The following VAT1L variants were observed in gnomAD, a reference collection of about 807,000 sequenced individuals.
VAT1L encodes the protein vesicle amine transport 1 like.
A neutral mutation model predicts 44.1 loss-of-function variants in VAT1L; 34 were observed. The observed-to-expected ratio is 0.77, with a 90% CI of 0.59 to 1.03. The LOEUF (loss-of-function observed/expected upper bound fraction) is 1.03, where lower values mean the gene tolerates loss of function less well. Among genes scored for constraint, VAT1L ranks in the 50% least tolerant of loss-of-function variants. The pLI is 0.00. For missense variants in VAT1L, 615 were observed against 538.8 expected (o/e 1.14, Z -1.40); for synonymous variants, 253 against 202.2 (o/e 1.25, Z -2.13).
At chr16:77,830,059 A>G (rs769071007) in intron 3 of VAT1L, among the ~76,000 whole-genome samples, 5 of 152,118 alleles carry the variant, frequency 3.3e-5, no homozygotes, top group Non-Finnish European at 7.4e-5. Flanking sequence ...CTCGAGGAAC[A>G]TGAGATGCGC....
chr16:77,965,150 C>T (rs898906251), intron 7 of VAT1L, among the ~76,000 whole-genome samples: 2 of 152,040 alleles, frequency 1.3e-5, no homozygotes, highest in Admixed American at 1.3e-4. Flanking sequence ...TGTGATTCCC[C>T]CAGGACAGAG....
intron 7 of VAT1L, among the ~76,000 whole-genome samples, chr16:77,893,811 G>C (rs1485024770): frequency 6.6e-6 from 1 of 152,034 alleles, no homozygotes; most frequent in Non-Finnish European, 1.5e-5. Context: ...TTGAACCCCA[G>C]GAAAGTCTGA....
At chr16:77,941,675 TC>T (rs1191911223) in intron 7 of VAT1L, among the ~76,000 whole-genome samples, 2 of 152,056 alleles carry the variant, frequency 1.3e-5, no homozygotes, top group African/African-American at 4.8e-5. Context: ...AACCTCCAGC[TC>T]CCGGGTTTAA....
intron 7 of VAT1L, among the ~76,000 whole-genome samples, chr16:77,950,323 C>T (rs1159847349): frequency 5.9e-5 from 9 of 151,746 alleles, no homozygotes; most frequent in Non-Finnish European, 7.4e-5. Flanking sequence ...ACAGAAAAAT[C>T]GCTTAAACCT....
At chr16:77,896,593 A>G (rs2017327244) in intron 7 of VAT1L, among the ~76,000 whole-genome samples, 1 of 152,208 alleles carries the variant, frequency 6.6e-6, no homozygotes, top group African/African-American at 2.4e-5. Flanking sequence ...GACTCTTGGC[A>G]AGGTGCCAAG....
chr16:77,844,042 A>G (rs2016733366), intron 3 of VAT1L, among the ~76,000 whole-genome samples: 1 of 152,246 alleles, frequency 6.6e-6, no homozygotes, highest in Non-Finnish European at 1.5e-5. Context: ...CACTGTCCTC[A>G]AGGACCATCT....
intron 1 of VAT1L, among the ~76,000 whole-genome samples, chr16:77,795,813 C>CTTT (rs56725954): frequency 2.5e-3 from 256 of 100,596 alleles, no homozygotes; most frequent in East Asian, 6.4e-3. Flanking sequence ...CCTTTTTTCT[C>CTTT]TTTTTTTTTT....
At chr16:77,881,214 C>G (rs989746785) in intron 6 of VAT1L, among the ~76,000 whole-genome samples, 14 of 152,308 alleles carry the variant, frequency 9.2e-5, no homozygotes, top group African/African-American at 3.4e-4. Flanking sequence ...GCCCCCTCTA[C>G]TTTTGGACTT....
chr16:77,836,362 A>G (rs1422609856), intron 3 of VAT1L, among the ~76,000 whole-genome samples: 1 of 152,118 alleles, frequency 6.6e-6, no homozygotes, highest in Non-Finnish European at 1.5e-5. Context: ...AGGGTCCTGC[A>G]ATAATGGGAA....
Position 77,979,271 on chromosome 16 carries a change from T to C in VAT1L, c.*1576T>C, listed in dbSNP as rs1040358841. On this transcript the variant is annotated 3_prime_UTR_variant, in exon 9 of 9. Coordinates refer to ENST00000302536, the MANE Select transcript of VAT1L (RefSeq NM_020927.3). ...TCATTGTGAATGTGTATGTAAAATATGAAGACAAGAAAGGGTGCTTTCATC... is the reference window on the plus strand; with the variant it reads ...TCATTGTGAATGTGTATGTAAAATACGAAGACAAGAAAGGGTGCTTTCATC... The C allele has an allele frequency of 6.6e-6, 1 of 152,574 alleles. No homozygotes were observed. Among genetic ancestry groups the C allele is most frequent in the African/African-American group, 2.4e-5 (1 of 41,438 alleles). 9.5% of individuals were successfully genotyped at this position (152,574 alleles called of 1,614,324 possible).
intron 7 of VAT1L, among the ~76,000 whole-genome samples, chr16:77,925,822 C>T (rs74468420): frequency 0.017 from 2,606 of 150,466 alleles, 65 homozygotes; most frequent in African/African-American, 0.06. Flanking sequence ...CCAGAAGCAG[C>T]ATCTTCCTTT....
intron 7 of VAT1L, among the ~76,000 whole-genome samples, chr16:77,893,223 T>C (rs2017287068): frequency 1.3e-5 from 2 of 152,188 alleles, no homozygotes; most frequent in South Asian, 4.1e-4. Flanking sequence ...GCTGGGAGGC[T>C]GTGGCAATTT....
intron 3 of VAT1L, among the ~76,000 whole-genome samples, chr16:77,831,283 A>G (rs901993073): frequency 1.1e-4 from 17 of 152,222 alleles, no homozygotes; most frequent in Admixed American, 2.6e-4. Flanking sequence ...ACTACTTGAC[A>G]TATAGTCTAT....
intron 7 of VAT1L, among the ~76,000 whole-genome samples, chr16:77,971,037 G>A (rs1231143504): frequency 1.3e-5 from 2 of 151,330 alleles, no homozygotes. Flanking sequence ...ATCAAGAGAT[G>A]TTGCATTTCC....
At chr16:77,956,158 G>A (rs967162319) in intron 7 of VAT1L, among the ~76,000 whole-genome samples, 12 of 152,092 alleles carry the variant, frequency 7.9e-5, no homozygotes, top group African/African-American at 2.9e-4. Flanking sequence ...ACTATCTATT[G>A]CATGCCTGTA....
chr16:77,945,112 A>G (rs759753679), intron 7 of VAT1L, among the ~76,000 whole-genome samples: 6 of 152,074 alleles, frequency 3.9e-5, no homozygotes, highest in Non-Finnish European at 5.9e-5. Context: ...AGAGTGTTCA[A>G]TTTCAGAACC....
intron 2 of VAT1L, among the ~76,000 whole-genome samples, chr16:77,823,975 A>G (rs905140738): frequency 1.3e-5 from 2 of 152,196 alleles, no homozygotes; most frequent in African/African-American, 4.8e-5. Flanking sequence ...TTGAGCTGAG[A>G]TCGTGCCATT....
intron 7 of VAT1L, among the ~76,000 whole-genome samples, chr16:77,908,773 A>G (rs368931266): frequency 6.6e-6 from 1 of 151,870 alleles, no homozygotes; most frequent in Non-Finnish European, 1.5e-5. Context: ...AATTAGCCGG[A>G]CGTGGTGGCA....
rs1016967611 is a variant in VAT1L at position 77,788,998 on chromosome 16, G to A, written c.233+83G>A. On this transcript the variant is annotated intron_variant, in intron 1 of 8. Transcript: ENST00000302536. ...GGGGTGGGAAAGCTGCGGCTGGGAT[G>A]CTGCCCGGGTAGAACCGCCGCGCGC... 245 of 1,406,942 alleles carry A rather than the reference G, an allele frequency of 1.7e-4. 3 individuals carry two copies. In the South Asian group the frequency reaches 2.5e-3, roughly 14 times the overall value. The allele number at this position is 1,406,942 out of a possible 1,614,324, so 87.2% of individuals were successfully genotyped here.
Sources: gnomAD v4.1 joint callset for allele counts (sites outside exome capture counted in the v4.1 genomes callset) on GRCh38, gnomAD v4.1.1 for gene constraint, MANE v1.5 for transcripts, NCBI Gene and HGNC (gene_info 2026-07-23, HGNC 2026-07-21) for gene names.